Variants in DROSHA observed in about 807,000 individuals in gnomAD.
The protein encoded by DROSHA is ribonuclease 3.
Under a neutral mutation model 181.9 loss-of-function variants are expected in DROSHA, and 56 were observed. The ratio of observed to expected loss-of-function variants is 0.31; its 90% CI spans 0.25 to 0.38. The LOEUF (loss-of-function observed/expected upper bound fraction) is 0.38. Among genes scored for constraint, DROSHA ranks in the 10% least tolerant of loss-of-function variants. The pLI is 1.00. For synonymous variants in DROSHA, 524 were observed against 591.2 expected (o/e 0.89, Z 1.65); for missense variants, 1,218 against 1,743.5 (o/e 0.70, Z 5.37).
chr5:31,508,827 T>TTG lies in DROSHA; in HGVS notation c.1433-53_1433-52insCA. On this transcript the variant is annotated intron_variant, in intron 9 of 35. Coordinates refer to ENST00000344624, the MANE Select transcript of DROSHA (RefSeq NM_001382508.1). ...GAAATTGATGGAATTAACAAACTGG[T>TTG]TTTTTTTTTTCCCTGAGTTGGAGTC... The TTG allele has an allele frequency of 9.5e-6, 13 of 1,362,208 alleles. No individual in the cohort carries two copies. The South Asian group carries it at 1.7e-4, about 18-fold the overall frequency. The allele number at this position is 1,362,208 out of a possible 1,614,324, so 84.4% of individuals were successfully genotyped here.
At chr5:31,419,177 A>G (rs756954324) in intron 30 of DROSHA, among the ~76,000 whole-genome samples, 8 of 152,172 alleles carry the variant, frequency 5.3e-5, no homozygotes, top group Non-Finnish European at 7.3e-5. Context: ...GTGTTTCAAG[A>G]AGGAGGAGGG....
At chr5:31,416,839 G>T (rs906550921) in intron 30 of DROSHA, among the ~76,000 whole-genome samples, 3 of 152,192 alleles carry the variant, frequency 2.0e-5, no homozygotes, top group Non-Finnish European at 4.4e-5. Context: ...TATCTGAAGA[G>T]CAACTGTAGA....
rs1739031375 is a variant in DROSHA, at chr5:31,514,257, AC to A, written c.1290+730del. On this transcript the variant is annotated intron_variant, in intron 8 of 35. Coordinates refer to ENST00000344624, the MANE Select transcript of DROSHA (RefSeq NM_001382508.1). This position sits in a 1 kb window ranked among gnomAD's most constrained non-coding sequence, Gnocchi z 4.4. Reference sequence around the variant, plus strand: ...CACACACACACACACACACACACACACACATACACATACACACTACAAACTG... The same window carrying A: ...CACACACACACACACACACACACACAACATACACATACACACTACAAACTG... 6.6e-6 allele frequency among the ~76,000 whole-genome samples: 1 copy of A among 150,650 alleles called. No individual in the cohort carries two copies. Among genetic ancestry groups the A allele is most frequent in the Non-Finnish European group, 1.5e-5 (1 of 67,920 alleles).
At chr5:31,431,873 TA>T (rs1177119853) in intron 25 of DROSHA, among the ~76,000 whole-genome samples, 195 bp from the exon 26 acceptor site, 7 of 152,322 alleles carry the variant, frequency 4.6e-5, no homozygotes, top group African/African-American at 1.7e-4. Flanking sequence ...CAGTTTTCAC[TA>T]ACTCAATTCT....
Position 31,464,310 on chromosome 5 carries a change from T to A in DROSHA, c.2500A>T (p.Met834Leu). The A allele has an allele frequency of 6.2e-7, 1 of 1,613,434 alleles. No homozygotes were observed. The highest frequency in any genetic ancestry group is 8.5e-7 in the Non-Finnish European group (1 of 1,179,622). The change falls in exon 20 of 36, where the codon ATG becomes TTG. Residue 834 changes from methionine to leucine, a missense_variant. Met to Leu is a conservative substitution (Grantham distance 15). Transcript: ENST00000344624. Reference protein sequence around the residue: ...ALQKIRQKNTMRREVTVELSS... With the variant: ...ALQKIRQKNTLRREVTVELSS... ...AGCTCCACCGTTACTTCTCGTCTCA[T>A]TGTATTCTTCTGCCGTATTTTTTGG...
At chr5:31,517,416 A>G (rs1050539122) in intron 6 of DROSHA, among the ~76,000 whole-genome samples, 4 of 152,166 alleles carry the variant, frequency 2.6e-5, no homozygotes, top group Non-Finnish European at 5.9e-5. Context: ...TATTTTCATC[A>G]GTTACTTTTA....
intron 5 of DROSHA, among the ~76,000 whole-genome samples, chr5:31,522,202 A>G (rs1739968142): frequency 6.6e-6 from 1 of 152,236 alleles, no homozygotes; most frequent in Non-Finnish European, 1.5e-5. Flanking sequence ...TGTTTCTGAT[A>G]TATATACAAT....
At chr5:31,505,627 C>T (rs1737841085) in intron 10 of DROSHA, 1 of 152,150 alleles carries the variant, frequency 6.6e-6, no homozygotes, top group Non-Finnish European at 1.5e-5. Flanking sequence ...AAGACCAGAG[C>T]TCAGATAGGG....
chr5:31,456,355 C>T (rs1735284993), intron 20 of DROSHA, among the ~76,000 whole-genome samples: 1 of 151,738 alleles, frequency 6.6e-6, no homozygotes, highest in African/African-American at 2.4e-5. Flanking sequence ...TTGCTGTCTG[C>T]CTTATTAACT....
In DROSHA at chr5:31,526,489, A is replaced by C; in HGVS notation, c.444T>G (p.Pro148=). The C allele has an allele frequency of 2.9e-6, 4 of 1,380,204 alleles. No homozygotes were observed. The highest frequency in any genetic ancestry group is 4.0e-6 in the Non-Finnish European group (4 of 1,002,372). 85.5% of individuals were successfully genotyped at this position (1,380,204 alleles called of 1,614,324 possible). The change falls in exon 5 of 36, where the codon CCT becomes CCG. Residue 148 remains proline (P), a synonymous_variant. Transcript: ENST00000344624. Reference sequence around the variant, plus strand: ...GGGGCGGGGGATGAGGCATGGAGGGAGGGGGCATCATGAAGGGGAAAGTGC... The same window carrying C: ...GGGGCGGGGGATGAGGCATGGAGGGCGGGGGCATCATGAAGGGGAAAGTGC... The part of the protein sequence containing the change: ...GQGTFPFMMP[P]PSMPHPPPPP...
Position 31,497,661 on chromosome 5 carries a change from T to G in DROSHA, c.1669-2289A>C, listed in dbSNP as rs1169919016. 7.9e-5 allele frequency among the ~76,000 whole-genome samples: 12 copies of G among 152,188 alleles called. No individual in the cohort carries two copies. The East Asian group carries it at 2.3e-3, about 29-fold the overall frequency. On this transcript the variant is annotated intron_variant, in intron 11 of 35. Transcript: ENST00000344624. ...ACCCAGTAGCTGGATCAGAGATAGC[T>G]CCCATTCACTCTCTCATGATTCTCT... is the stretch of plus-strand genomic sequence containing the variant.
At position 31,519,434 on chromosome 5, in the gene DROSHA, C is replaced by G. The variant is rs141446069; in HGVS notation, c.947+1689G>C. ...GTAAGTGTCCTATCAAACGCACTTA[C>G]AGCACTTAACTTTCCTTTTCCTATT... On this transcript the variant is annotated intron_variant, in intron 6 of 35. Coordinates refer to ENST00000344624, the MANE Select transcript of DROSHA (RefSeq NM_001382508.1). Among the ~76,000 whole-genome samples, 368 of 152,280 alleles carry G rather than the reference C, an allele frequency of 2.4e-3. 1 individual carries two copies. Among genetic ancestry groups the G allele is most frequent in the African/African-American group, 8.5e-3 (353 of 41,554 alleles).
chr5:31,453,928 TAAA>T (rs59797989), intron 20 of DROSHA, among the ~76,000 whole-genome samples: 1 of 136,348 alleles, frequency 7.3e-6, no homozygotes, highest in African/African-American at 2.6e-5. Flanking sequence ...CTGCTTTAAT[TAAA>T]AAAAAAAAAA....
At chr5:31,497,139 C>T (rs1390513052) in intron 11 of DROSHA, among the ~76,000 whole-genome samples, 2 of 152,162 alleles carry the variant, frequency 1.3e-5, no homozygotes, top group African/African-American at 2.4e-5. Context: ...GACTGGGGTA[C>T]GTGGCACCCA....
intron 16 of DROSHA, among the ~76,000 whole-genome samples, chr5:31,478,856 G>A (rs1210891303): frequency 6.6e-6 from 1 of 152,096 alleles, no homozygotes; most frequent in East Asian, 1.9e-4. Flanking sequence ...GAGAAAACTT[G>A]GCCAACATCA....
intron 4 of DROSHA, among the ~76,000 whole-genome samples, chr5:31,527,991 C>T (rs1010692299): frequency 7.2e-5 from 11 of 152,092 alleles, no homozygotes; most frequent in Admixed American, 1.3e-4. Context: ...GTCCAGTTGC[C>T]TCCCCAGCCC....
chr5:31,519,272 C>T (rs1427954123), intron 6 of DROSHA, among the ~76,000 whole-genome samples: 1 of 152,070 alleles, frequency 6.6e-6, no homozygotes, highest in Non-Finnish European at 1.5e-5. Flanking sequence ...CAATGATGTC[C>T]ACTGACACAA....
intron 13 of DROSHA, among the ~76,000 whole-genome samples, chr5:31,487,322 T>TA (rs1363350103): frequency 6.6e-6 from 1 of 152,178 alleles, no homozygotes; most frequent in African/African-American, 2.4e-5. Context: ...TTACCTGTTC[T>TA]AATACTCAAG....
chr5:31,494,965 C>T (rs10065967), intron 12 of DROSHA, among the ~76,000 whole-genome samples: 3,883 of 152,202 alleles, frequency 0.026, 158 homozygotes, highest in African/African-American at 0.088. Flanking sequence ...TGAGCCACCG[C>T]GCCCGGCCAC....
Sources: gnomAD v4.1 joint callset for allele counts (sites outside exome capture counted in the v4.1 genomes callset) on GRCh38, gnomAD v4.1.1 for gene constraint, Gnocchi (gnomAD v3.1) non-coding constraint, MANE v1.5 for transcripts, NCBI Gene and HGNC (gene_info 2026-07-23, HGNC 2026-07-21) for gene names.